Variants in FHOD3 observed in about 807,000 individuals in gnomAD.
FHOD3 encodes FH1/FH2 domain-containing protein 3.
A neutral mutation model predicts 173.0 loss-of-function variants in FHOD3; 90 were observed. The observed-to-expected ratio is 0.52, with a 90% CI of 0.44 to 0.62. The LOEUF (loss-of-function observed/expected upper bound fraction) is 0.62. FHOD3 is among the 20% of genes least tolerant of loss of function. The probability of loss-of-function intolerance (pLI) is 0.00; values close to 1 mark genes in which losing one functional copy is unlikely to be tolerated. For synonymous variants in FHOD3, 828 were observed against 823.0 expected (o/e 1.01, Z -0.10); for missense variants, 1,945 against 2,034.7 (o/e 0.96, Z 0.85).
intron 10 of FHOD3, among the ~76,000 whole-genome samples, chr18:36,630,211 A>T (rs1269316655): frequency 1.3e-5 from 2 of 152,202 alleles, no homozygotes; most frequent in African/African-American, 4.8e-5. Flanking sequence ...CAGAGAATAT[A>T]ATCAGCTAAA....
At chr18:36,321,336 G>A (rs1236380012) in intron 1 of FHOD3, among the ~76,000 whole-genome samples, 2 of 151,610 alleles carry the variant, frequency 1.3e-5, no homozygotes, top group Admixed American at 6.6e-5. Context: ...AGGTGGTCAG[G>A]TAAATAATGA....
At chr18:36,653,472 G>A in intron 13 of FHOD3, 56 bp downstream of exon 13, 1 of 1,276,708 alleles carries the variant, frequency 7.8e-7, no homozygotes, top group Non-Finnish European at 1.1e-6. Context: ...ATATTCTAAT[G>A]TATGCATTTT....
chr18:36,606,113 C>T (rs1330887638), intron 8 of FHOD3, among the ~76,000 whole-genome samples: 2 of 152,108 alleles, frequency 1.3e-5, no homozygotes, highest in East Asian at 1.9e-4. Flanking sequence ...TTCAGTGGGG[C>T]TAGGGGATAA....
chr18:36,576,165 GA>G (rs1235325324), intron 5 of FHOD3, among the ~76,000 whole-genome samples: 2 of 152,150 alleles, frequency 1.3e-5, no homozygotes, highest in African/African-American at 2.4e-5. Flanking sequence ...TATAGAAACA[GA>G]AAAACATGCA....
At chr18:36,363,034 T>C (rs538321281) in intron 2 of FHOD3, among the ~76,000 whole-genome samples, 1 of 152,258 alleles carries the variant, frequency 6.6e-6, no homozygotes, top group Admixed American at 6.5e-5. Context: ...AATAAGCATA[T>C]AGAAAGATAT....
chr18:36,740,605 G>A, intron 20 of FHOD3, 51 bp from the exon 21 acceptor site: 1 of 1,459,502 alleles, frequency 6.9e-7, no homozygotes, highest in Non-Finnish European at 9.4e-7. Context: ...GAAGGGACAG[G>A]GGAGGGTCCA....
chr18:36,389,167 T>G (rs9941429), intron 3 of FHOD3, among the ~76,000 whole-genome samples: 6,668 of 152,186 alleles, frequency 0.044, 493 homozygotes, highest in African/African-American at 0.15. Context: ...TAAAGATGCA[T>G]TGATGCTTCA....
chr18:36,526,248 T>A (rs1208389808), intron 5 of FHOD3, among the ~76,000 whole-genome samples: 1 of 151,422 alleles, frequency 6.6e-6, no homozygotes, highest in Non-Finnish European at 1.5e-5. Flanking sequence ...ACTGTATTTG[T>A]TAGGCATGGA....
At chr18:36,321,354 G>A (rs911982291) in intron 1 of FHOD3, among the ~76,000 whole-genome samples, 2 of 152,050 alleles carry the variant, frequency 1.3e-5, no homozygotes, top group Non-Finnish European at 2.9e-5. Context: ...TGAGATGGGG[G>A]TCCCCTCTCT....
intron 16 of FHOD3, among the ~76,000 whole-genome samples, chr18:36,689,055 G>A (rs80125349): frequency 0.031 from 4,659 of 152,242 alleles, 125 homozygotes; most frequent in East Asian, 0.12. Flanking sequence ...GAGGTCTAGG[G>A]AAGCAGGCAC....
chr18:36,693,187 C>T, intron 16 of FHOD3, 22 bp from the exon 17 acceptor site: 2 of 1,604,480 alleles, frequency 1.2e-6, no homozygotes, highest in East Asian at 2.2e-5. Context: ...TTGACGGAAA[C>T]CCTTTGGAAT....
chr18:36,501,393 G>A (rs2055024018), intron 3 of FHOD3, among the ~76,000 whole-genome samples: 1 of 152,176 alleles, frequency 6.6e-6, no homozygotes, highest in Admixed American at 6.5e-5. Flanking sequence ...TAGGGCCTGA[G>A]GAGCGCTCAA....
chr18:36,619,292 G>A (rs1162505264), intron 9 of FHOD3, among the ~76,000 whole-genome samples: 1 of 152,170 alleles, frequency 6.6e-6, no homozygotes, highest in Non-Finnish European at 1.5e-5. Context: ...AGGAAGCTCT[G>A]ACTGTATCTG....
chr18:36,371,969 TC>T (rs2047215911), intron 2 of FHOD3, among the ~76,000 whole-genome samples: 1 of 150,688 alleles, frequency 6.6e-6, no homozygotes, highest in African/African-American at 2.5e-5. Flanking sequence ...TCATGTTTTC[TC>T]CCCTTTATCT....
chr18:36,525,922 C>A (rs974226198), intron 5 of FHOD3, among the ~76,000 whole-genome samples: 3 of 152,192 alleles, frequency 2.0e-5, no homozygotes, highest in Non-Finnish European at 2.9e-5. Flanking sequence ...TCCTAATATG[C>A]CAGCATCATG....
At chr18:36,452,138 A>G (rs1411882239) in intron 3 of FHOD3, among the ~76,000 whole-genome samples, 1 of 152,126 alleles carries the variant, frequency 6.6e-6, no homozygotes, top group East Asian at 1.9e-4. Flanking sequence ...TACGAGAATT[A>G]TGAGGGTGCG....
At chr18:36,708,905 C>T (rs1032411991) in intron 17 of FHOD3, among the ~76,000 whole-genome samples, 190 bp from the exon 18 acceptor site, 1 of 152,172 alleles carries the variant, frequency 6.6e-6, no homozygotes, top group African/African-American at 2.4e-5. Context: ...TAGGGACTTT[C>T]CTGTCATCTG....
At chr18:36,559,854 CAT>C (rs922857293) in intron 5 of FHOD3, among the ~76,000 whole-genome samples, 9 of 152,266 alleles carry the variant, frequency 5.9e-5, no homozygotes, top group African/African-American at 1.9e-4. Context: ...GACTCTGAAA[CAT>C]AAGCTTTGTT....
At position 36,330,235 on chromosome 18, in the gene FHOD3, A is replaced by G. The variant is rs147201248; in HGVS notation, c.166-25304A>G. Among the ~76,000 whole-genome samples the G allele has an allele frequency of 3.0e-3, 451 of 152,344 alleles. 1 individual carries two copies. The highest frequency in any genetic ancestry group is 4.6e-3 in the Admixed American group (70 of 15,300). On this transcript the variant is annotated intron_variant, in intron 1 of 28. Transcript: ENST00000590592. The stretch of plus-strand genomic sequence containing the variant: ...GGCAGTGACCCCTAACATTACGTCT[A>G]TGTCTTACATCATGGAGTGAATAAC...
Sources: allele counts gnomAD v4.1 joint callset (sites outside exome capture counted in the v4.1 genomes callset), GRCh38; gene constraint gnomAD v4.1.1; transcripts MANE v1.5; gene names NCBI Gene and HGNC (gene_info 2026-07-23, HGNC 2026-07-21).